The following NFKB1 variants were observed in gnomAD, a reference collection of about 807,000 sequenced individuals.
NFKB1 encodes the protein nuclear factor NF-kappa-B p105 subunit.
Under a neutral mutation model 105.1 loss-of-function variants are expected in NFKB1, and 9 were observed. The observed-to-expected ratio is 0.09, with a 90% CI of 0.05 to 0.15. The LOEUF (loss-of-function observed/expected upper bound fraction) is 0.15, where lower values mean the gene tolerates loss of function less well. Among genes scored for constraint, NFKB1 ranks in the 10% least tolerant of loss-of-function variants. The pLI, the probability that NFKB1 is intolerant of heterozygous loss-of-function variation, is 1.00. For synonymous variants in NFKB1, 440 were observed against 442.2 expected (o/e 1.00, Z 0.06); for missense variants, 830 against 1,203.7 (o/e 0.69, Z 4.59).
chr4:102,504,534 C>A (rs891902506), intron 1 of NFKB1, among the ~76,000 whole-genome samples: 1 of 152,138 alleles, frequency 6.6e-6, no homozygotes, highest in Non-Finnish European at 1.5e-5. Flanking sequence ...GAAGTTAGTG[C>A]TAGAGGATAT....
intron 3 of NFKB1, among the ~76,000 whole-genome samples, 195 bp from the exon 4 acceptor site, chr4:102,533,650 A>T (rs1373341244): frequency 1.3e-5 from 2 of 152,232 alleles, no homozygotes; most frequent in East Asian, 3.8e-4. Context: ...TCGTAAAACT[A>T]TTGTTAAAAT....
chr4:102,515,747 T>G (rs1283771858), intron 1 of NFKB1, among the ~76,000 whole-genome samples: 1 of 152,224 alleles, frequency 6.6e-6, no homozygotes, highest in African/African-American at 2.4e-5. Context: ...CAAAATATAT[T>G]GTCTTGTTTT....
chr4:102,605,567 AC>A (rs1560715241), intron 16 of NFKB1, among the ~76,000 whole-genome samples: 1 of 152,242 alleles, frequency 6.6e-6, no homozygotes, highest in Non-Finnish European at 1.5e-5. Context: ...TTTGAAAGAT[AC>A]GTTTGTGATT....
chr4:102,565,711 C>CT lies in NFKB1; in HGVS notation c.259-1275dup, dbSNP rs747523135. On this transcript the variant is annotated intron_variant, in intron 5 of 23. Coordinates refer to ENST00000226574, the MANE Select transcript of NFKB1 (RefSeq NM_003998.4). ...CCTCCCTCCGTCCCATCGTTCCTTCCTCCCTTTCCTCCTTCCTTTTCTACC... is the reference window on the plus strand; with the variant it reads ...CCTCCCTCCGTCCCATCGTTCCTTCCTTCCCTTTCCTCCTTCCTTTTCTACC... Among the ~76,000 whole-genome samples, 4 of 152,216 alleles carry CT rather than the reference C, an allele frequency of 2.6e-5. No homozygotes were observed. In the East Asian group the frequency reaches 5.8e-4, roughly 22 times the overall value.
At chr4:102,602,646 G>A (rs1447513521) in intron 16 of NFKB1, among the ~76,000 whole-genome samples, 1 of 151,962 alleles carries the variant, frequency 6.6e-6, no homozygotes, top group African/African-American at 2.4e-5. Context: ...AAAATTAATA[G>A]GTTTCCTGAT....
chr4:102,520,927 C>T (rs1025183014), intron 1 of NFKB1, among the ~76,000 whole-genome samples: 1 of 151,952 alleles, frequency 6.6e-6, no homozygotes, highest in Non-Finnish European at 1.5e-5. Flanking sequence ...TTTCCTTTTT[C>T]CTATTTAAAT....
At chr4:102,570,479 T>G (rs1337190186) in intron 6 of NFKB1, among the ~76,000 whole-genome samples, 1 of 152,198 alleles carries the variant, frequency 6.6e-6, no homozygotes, top group Admixed American at 6.5e-5. Context: ...GAATTTAGGT[T>G]GATTCCATGT....
chr4:102,561,452 G>A (rs187075086), intron 5 of NFKB1, among the ~76,000 whole-genome samples: 1 of 152,082 alleles, frequency 6.6e-6, no homozygotes, highest in Admixed American at 6.5e-5. Flanking sequence ...ACACATACCA[G>A]CAAAGCCAAA....
chr4:102,516,578 C>CTT (rs74462352), intron 1 of NFKB1, among the ~76,000 whole-genome samples: 1 of 151,378 alleles, frequency 6.6e-6, no homozygotes, highest in Non-Finnish European at 1.5e-5. Context: ...AATTTCCATT[C>CTT]TTTTTTTTAA....
At chr4:102,569,850 G>C (rs79357950) in intron 6 of NFKB1, among the ~76,000 whole-genome samples, 2 of 151,968 alleles carry the variant, frequency 1.3e-5, no homozygotes, top group South Asian at 2.1e-4. Context: ...CTGTAATGTA[G>C]GGGATTTGTC....
chr4:102,569,284 T>C (rs1049842845), intron 6 of NFKB1, among the ~76,000 whole-genome samples: 4 of 152,138 alleles, frequency 2.6e-5, no homozygotes, highest in African/African-American at 9.6e-5. Flanking sequence ...GCAAGTTACA[T>C]GACTTCTTGG....
chr4:102,555,008 AT>A (rs1388219486), intron 5 of NFKB1, among the ~76,000 whole-genome samples: 2 of 152,186 alleles, frequency 1.3e-5, no homozygotes, highest in Admixed American at 6.5e-5. Flanking sequence ...GCTTCAAAAA[AT>A]AATCCTTTTA....
chr4:102,580,422 T>C, intron 8 of NFKB1, 113 bp from the exon 9 acceptor site: 1 of 755,786 alleles, frequency 1.3e-6, no homozygotes, highest in Non-Finnish European at 2.3e-6. Flanking sequence ...AGTGAAAGCA[T>C]GTATTTAAGC....
At chr4:102,558,284 A>G (rs1316346408) in intron 5 of NFKB1, among the ~76,000 whole-genome samples, 2 of 152,094 alleles carry the variant, frequency 1.3e-5, no homozygotes, top group African/African-American at 4.8e-5. Context: ...AAGTGAGAAT[A>G]TGCAGTATCT....
At chr4:102,504,042 C>G (rs1314790191) in intron 1 of NFKB1, among the ~76,000 whole-genome samples, 3 of 152,182 alleles carry the variant, frequency 2.0e-5, no homozygotes, top group African/African-American at 7.2e-5. Flanking sequence ...AGGTATTTCT[C>G]TGTTCAGAAG....
Position 102,616,502 on chromosome 4 carries a change from A to C in NFKB1, c.2818A>C (p.Thr940Pro), listed in dbSNP as rs750315573. The change falls in exon 24 of 24, where the codon ACC becomes CCC. Residue 940 changes from threonine (T) to proline (P), a missense_variant. Coordinates refer to ENST00000226574, the MANE Select transcript of NFKB1 (RefSeq NM_003998.4). ...GACATCCTTCCGCAAACTCAGCTTTACCGAGTCTCTGACCAGTGGTGCCTC... is the reference window on the plus strand; with the variant it reads ...GACATCCTTCCGCAAACTCAGCTTTCCCGAGTCTCTGACCAGTGGTGCCTC... The part of the protein sequence containing the change: ...VETSFRKLSF[T>P]ESLTSGASLL... 18 of 1,613,998 alleles carry C rather than the reference A, an allele frequency of 1.1e-5. No homozygotes were observed. Among genetic ancestry groups the C allele is most frequent in the Non-Finnish European group, 1.5e-5 (18 of 1,180,024 alleles).
intron 6 of NFKB1, among the ~76,000 whole-genome samples, chr4:102,569,617 C>T (rs558642910): frequency 5.3e-5 from 8 of 152,172 alleles, no homozygotes; most frequent in African/African-American, 1.9e-4. Flanking sequence ...ACAAGCAAGA[C>T]ACTAATCCAA....
intron 5 of NFKB1, among the ~76,000 whole-genome samples, chr4:102,558,411 T>C (rs548699316): frequency 2.0e-5 from 3 of 152,320 alleles, no homozygotes; most frequent in East Asian, 3.9e-4. Context: ...TAGTATTCAA[T>C]TGGCCATTTT....
chr4:102,608,813 A>G (rs1372467255), intron 19 of NFKB1, among the ~76,000 whole-genome samples: 1 of 152,160 alleles, frequency 6.6e-6, no homozygotes, highest in East Asian at 1.9e-4. Flanking sequence ...TGCAGTGGGT[A>G]TTAATAGTTT....
Sources: gnomAD v4.1 joint callset for allele counts (sites outside exome capture counted in the v4.1 genomes callset) on GRCh38, gnomAD v4.1.1 for gene constraint, MANE v1.5 for transcripts, NCBI Gene and HGNC (gene_info 2026-07-23, HGNC 2026-07-21) for gene names.